The following FREM1 variants were observed in gnomAD, a reference collection of about 807,000 sequenced individuals.
The protein encoded by FREM1 is FRAS1 related extracellular matrix 1.
In FREM1, 220 loss-of-function variants were observed where a neutral mutation model predicts 210.1. The observed-to-expected ratio is 1.05, with a 90% CI of 0.94 to 1.17. The LOEUF (loss-of-function observed/expected upper bound fraction) is 1.17, where lower values mean the gene tolerates loss of function less well. FREM1 is among the 50% of genes most tolerant of loss of function. The pLI is 0.00. For missense variants in FREM1, 3,454 were observed against 2,675.5 expected, an observed-to-expected ratio of 1.29 and a Z score of -6.42; for synonymous variants, 1,189 against 980.2, an observed-to-expected ratio of 1.21 and a Z score of -3.98.
At chr9:14,798,045 G>GT (rs1048289806) in intron 20 of FREM1, among the ~76,000 whole-genome samples, 7 of 151,606 alleles carry the variant, frequency 4.6e-5, no homozygotes, top group South Asian at 2.1e-4. Context: ...CAATGTAACT[G>GT]TTTTTTTTAA....
At chr9:14,750,070 G>T (rs1276043491) in intron 30 of FREM1, 57 bp downstream of exon 30, 5 of 1,568,682 alleles carry the variant, frequency 3.2e-6, no homozygotes, top group Non-Finnish European at 4.3e-6. Context: ...GCTGTTGAAG[G>T]CAAGAGCTAC....
chr9:14,882,706 C>T (rs919803991), intron 1 of FREM1, among the ~76,000 whole-genome samples: 1 of 151,524 alleles, frequency 6.6e-6, no homozygotes, highest in African/African-American at 2.4e-5. Context: ...GATCTGCCCG[C>T]CTCAGCTCCC....
In FREM1 at chr9:14,859,199, A is replaced by C; in HGVS notation, c.615T>G (p.Ser205Arg). Residue 205 changes from serine (S) to arginine (R), a missense_variant, in exon 4 of 37, where the codon AGT (serine) becomes AGG (arginine). Coordinates refer to ENST00000380880, the MANE Select transcript of FREM1 (RefSeq NM_001379081.2). ...PEEPRGDQPHSFFPESQLRAK... is the reference protein window; with the variant it reads ...PEEPRGDQPHRFFPESQLRAK... ...ACATCATACGGGACTCTGGGAAAAA[A>C]CTGTGTGGCTGATCTCCACGAGGTT... is the stretch of plus-strand genomic sequence containing the variant. The C allele has an allele frequency of 1.3e-6, 2 of 1,583,646 alleles. No individual in the cohort carries two copies. The highest frequency in any genetic ancestry group is 1.7e-6 in the Non-Finnish European group (2 of 1,165,456).
rs373131895 is a variant in FREM1 at position 14,775,834 on chromosome 9, A to C, written c.4812T>G (p.Ile1604Met). 1.2e-6 allele frequency: 2 copies of C among 1,613,786 alleles called. No individual in the cohort carries two copies. The highest frequency in any genetic ancestry group is 1.7e-6 in the Non-Finnish European group (2 of 1,179,758). The change falls in exon 25 of 37, where the codon ATT becomes ATG. Residue 1604 changes from isoleucine to methionine, a missense_variant. Coordinates refer to ENST00000380880, the MANE Select transcript of FREM1 (RefSeq NM_001379081.2). ...MATDGTNQGFIVNGRVWEEPV... is the reference protein window; with the variant it reads ...MATDGTNQGFMVNGRVWEEPV... ...GTTCTTCCCACACTCTCCCATTCAC[A>C]ATAAAGCCTTGGTTTGTCCCATCTG...
chr9:14,741,612 C>A (rs1242808203), intron 35 of FREM1, among the ~76,000 whole-genome samples: 3 of 152,178 alleles, frequency 2.0e-5, no homozygotes, highest in Admixed American at 2.0e-4. Flanking sequence ...TTAGAACACA[C>A]AATATGAAAC....
chr9:14,808,015 G>A lies in FREM1; in HGVS notation c.3013C>T (p.His1005Tyr). The A allele has an allele frequency of 6.2e-7, 1 of 1,613,822 alleles. No homozygotes were observed. Among genetic ancestry groups the A allele is most frequent in the Non-Finnish European group, 8.5e-7 (1 of 1,179,728 alleles). Residue 1005 changes from histidine (H) to tyrosine (Y), a missense_variant, in exon 17 of 37, where the codon CAT becomes TAT. His to Tyr is a moderately conservative substitution (Grantham distance 83). Coordinates refer to ENST00000380880, the MANE Select transcript of FREM1 (RefSeq NM_001379081.2). ...AGATCATACACTGGAAAGGACGCAT[G>A]AAGTGGAACAGATGGATTGGGTCCA... ...YNGPNPSVPL[H>Y]ASFPVYDLNI...
At chr9:14,763,122 G>A (rs1011686226) in intron 27 of FREM1, among the ~76,000 whole-genome samples, 5 of 152,274 alleles carry the variant, frequency 3.3e-5, no homozygotes, top group East Asian at 1.9e-4. Flanking sequence ...TGTGGCAATC[G>A]CTTCAAGTCA....
intron 3 of FREM1, among the ~76,000 whole-genome samples, chr9:14,862,361 A>G (rs1830742964): frequency 6.6e-6 from 1 of 152,196 alleles, no homozygotes; most frequent in South Asian, 2.1e-4. Flanking sequence ...TCACACCAAC[A>G]TATCTAACCA....
intron 28 of FREM1, among the ~76,000 whole-genome samples, chr9:14,758,789 ATTC>A (rs1844904677): frequency 1.3e-5 from 2 of 152,176 alleles, no homozygotes; most frequent in Non-Finnish European, 2.9e-5. Context: ...CCTAAAAAAA[ATTC>A]TTCAATTCTA....
At chr9:14,862,426 A>G (rs1296243952) in intron 3 of FREM1, among the ~76,000 whole-genome samples, 2 of 152,214 alleles carry the variant, frequency 1.3e-5, no homozygotes, top group Non-Finnish European at 2.9e-5. Context: ...GGCCTACTCC[A>G]CATACATCAG....
intron 3 of FREM1, among the ~76,000 whole-genome samples, chr9:14,859,788 CAT>C (rs1225606477): frequency 6.6e-6 from 1 of 152,184 alleles, no homozygotes. Context: ...ACTTCTAGCA[CAT>C]GTGTAATTTA....
chr9:14,748,371 C>T (rs1587681427), intron 31 of FREM1, 30 bp downstream of exon 31: 2 of 1,239,114 alleles, frequency 1.6e-6, no homozygotes, highest in Non-Finnish European at 2.3e-6. Context: ...GTATTTTGCA[C>T]ATCATTTCCC....
rs1408048874 is a variant in FREM1 at position 14,773,742 on chromosome 9, TAAG to T, written c.4857+2044_4857+2046del. Among the ~76,000 whole-genome samples, 4 of 152,312 alleles carry T rather than the reference TAAG, an allele frequency of 2.6e-5. No homozygotes were observed. The East Asian group carries it at 7.7e-4, about 29-fold the overall frequency. ...ACTCTCTTACAATAGCCATGCTCTT[TAAG>T]ATGAGTGTTGGTGTTGGGAAAGACC... On this transcript the variant is annotated intron_variant, in intron 25 of 36. Transcript: ENST00000380880.
At position 14,909,900 on chromosome 9, in the gene FREM1, A is replaced by T. The variant is rs1818440677; in HGVS notation, c.-268+14T>A. On this transcript the variant is annotated intron_variant, in intron 1 of 36. Transcript: ENST00000380880. ...CAGTCACAATGAAAAGAAACACATA[A>T]AACAGATACTTACAGGTAGTGGTTT... The T allele has an allele frequency of 6.6e-6, 1 of 152,242 alleles. No individual in the cohort carries two copies. Among genetic ancestry groups the T allele is most frequent in the Admixed American group, 6.5e-5 (1 of 15,276 alleles). 9.4% of individuals were successfully genotyped at this position (152,242 alleles called of 1,614,324 possible).
intron 10 of FREM1, among the ~76,000 whole-genome samples, chr9:14,828,150 G>A (rs1372514838): frequency 6.6e-6 from 1 of 152,200 alleles, no homozygotes; most frequent in Non-Finnish European, 1.5e-5. Flanking sequence ...GAAAGCCTCA[G>A]GCACCTGACG....
At chr9:14,753,465 C>A (rs10511597) in intron 29 of FREM1, among the ~76,000 whole-genome samples, 2,136 of 152,268 alleles carry the variant, frequency 0.014, 37 homozygotes, top group South Asian at 0.064. Context: ...AGACTAGTCA[C>A]AATAGCTGAA....
chr9:14,814,512 G>C (rs746052740), intron 15 of FREM1, among the ~76,000 whole-genome samples: 2 of 152,204 alleles, frequency 1.3e-5, no homozygotes, highest in Non-Finnish European at 2.9e-5. Context: ...TTAATGGATA[G>C]AGGAATGGGT....
chr9:14,819,498 C>T, intron 13 of FREM1, 56 bp from the exon 14 acceptor site: 3 of 1,067,096 alleles, frequency 2.8e-6, no homozygotes, highest in South Asian at 1.4e-5. Flanking sequence ...CCCCTGAAGA[C>T]AGAGCTCATT....
chr9:14,863,759 C>G (rs771606689), intron 3 of FREM1, 50 bp downstream of exon 3: 33 of 1,127,784 alleles, frequency 2.9e-5, no homozygotes, highest in Non-Finnish European at 4.2e-5. Context: ...CTCATAAGAA[C>G]ACAGAATGGT....
Sources: allele counts gnomAD v4.1 joint callset (sites outside exome capture counted in the v4.1 genomes callset), GRCh38; gene constraint gnomAD v4.1.1; transcripts MANE v1.5; gene names NCBI Gene and HGNC (gene_info 2026-07-23, HGNC 2026-07-21).